The following DPYSL2 variants were observed in gnomAD, a reference collection of about 807,000 sequenced individuals.
The protein encoded by DPYSL2 is dihydropyrimidinase like 2, also known as dihydropyrimidinase-related protein 2.
Under a neutral mutation model 69.9 loss-of-function variants are expected in DPYSL2, and 13 were observed. The observed-to-expected ratio is 0.19, with a 90% CI of 0.12 to 0.30. DPYSL2 has a LOEUF of 0.30. Among genes scored for constraint, DPYSL2 ranks in the 10% least tolerant of loss-of-function variants. DPYSL2 has a pLI of 1.00. For synonymous variants in DPYSL2, 326 were observed against 359.1 expected (o/e 0.91, Z 1.04); for missense variants, 587 against 918.9 (o/e 0.64, Z 4.67).
chr8:26,528,965 G>A (rs1800438335), intron 1 of DPYSL2, among the ~76,000 whole-genome samples: 1 of 152,134 alleles, frequency 6.6e-6, no homozygotes, highest in Admixed American at 6.5e-5. Flanking sequence ...TTGGCCCTGA[G>A]TTTAAGAGCT....
chr8:26,521,414 T>C (rs1034024730), intron 1 of DPYSL2, among the ~76,000 whole-genome samples: 2 of 152,196 alleles, frequency 1.3e-5, no homozygotes, highest in African/African-American at 4.8e-5. Flanking sequence ...GAATCTCTAA[T>C]GCTCCTTCTA....
intron 1 of DPYSL2, among the ~76,000 whole-genome samples, chr8:26,536,714 G>A (rs1800598621): frequency 6.6e-6 from 1 of 152,074 alleles, no homozygotes; most frequent in Non-Finnish European, 1.5e-5. Flanking sequence ...TTATTAGGTG[G>A]GCATGACATG....
intron 8 of DPYSL2, among the ~76,000 whole-genome samples, chr8:26,635,839 C>T (rs1286306261): frequency 2.6e-5 from 4 of 152,194 alleles, no homozygotes; most frequent in African/African-American, 9.7e-5. Context: ...GTCATTCTCT[C>T]TCTGTGTCTT....
chr8:26,582,950 G>A lies in DPYSL2; in HGVS notation c.444-849G>A, dbSNP rs1801520799. On this transcript the variant is annotated intron_variant, in intron 2 of 13. Transcript: ENST00000521913. This position sits in a 1 kb window ranked among gnomAD's most constrained non-coding sequence, Gnocchi z 4.1. ...CACGTTTAATGTTTTCTCCATGTGT[G>A]TTTGCTGTGACAGTCTCAGCTCCAG... Among the ~76,000 whole-genome samples, 1 of 152,168 alleles carries A rather than the reference G, an allele frequency of 6.6e-6. No individual in the cohort carries two copies. Among genetic ancestry groups the A allele is most frequent in the Non-Finnish European group, 1.5e-5 (1 of 68,022 alleles).
At chr8:26,556,992 A>C (rs913718596) in intron 1 of DPYSL2, among the ~76,000 whole-genome samples, 6 of 152,182 alleles carry the variant, frequency 3.9e-5, no homozygotes, top group African/African-American at 1.4e-4. Context: ...CCTTTTCAAC[A>C]AATGATGCTG....
chr8:26,536,520 A>C (rs1358000040), intron 1 of DPYSL2, among the ~76,000 whole-genome samples: 3 of 152,066 alleles, frequency 2.0e-5, no homozygotes. Context: ...AAAATACAAA[A>C]ATTAGCCAGG....
At position 26,597,775 on chromosome 8, in the gene DPYSL2, CTTTTTTTTTTT is replaced by C. The variant is rs374599797; in HGVS notation, c.628+13802_628+13812del. 1.6e-5 allele frequency among the ~76,000 whole-genome samples: 2 copies of C among 127,158 alleles called. No homozygotes were observed. The highest frequency in any genetic ancestry group is 5.8e-5 in the African/African-American group (2 of 34,500). 83.4% of individuals were successfully genotyped at this position (127,158 alleles called of 152,430 possible). ...AGGCAAGAGCCACCGCACCTGGCCT[CTTTTTTTTTTT>C]TTTTTTTTTGAGGGGCAGAGACAAG... On this transcript the variant is annotated intron_variant, in intron 3 of 13. Coordinates refer to ENST00000521913, the MANE Select transcript of DPYSL2 (RefSeq NM_001197293.3). The surrounding 1 kb of genome is among the most constrained non-coding windows in gnomAD (Gnocchi z 5.2).
intron 1 of DPYSL2, among the ~76,000 whole-genome samples, chr8:26,549,482 A>G (rs959160421): frequency 6.6e-6 from 1 of 152,176 alleles, no homozygotes; most frequent in African/African-American, 2.4e-5. Context: ...GCAGAAAGAC[A>G]GAAAGGGACA....
intron 7 of DPYSL2, among the ~76,000 whole-genome samples, chr8:26,629,644 A>C (rs911655129): frequency 7.9e-4 from 120 of 152,376 alleles, no homozygotes; most frequent in African/African-American, 2.6e-3. Context: ...GGGAAGCCCC[A>C]TGCTGAGACC....
Position 26,624,618 on chromosome 8 carries a change from G to A in DPYSL2, c.793+311G>A, listed in dbSNP as rs1392538282. Among the ~76,000 whole-genome samples, 2 of 152,170 alleles carry A rather than the reference G, an allele frequency of 1.3e-5. No individual in the cohort carries two copies. Among genetic ancestry groups the A allele is most frequent in the Non-Finnish European group, 2.9e-5 (2 of 68,038 alleles). On this transcript the variant is annotated intron_variant, in intron 4 of 13. Transcript: ENST00000521913. The surrounding 1 kb of genome is among the most constrained non-coding windows in gnomAD (Gnocchi z 4.7). ...CCGTGCTCTCTAGCCAGGGTGGGGA[G>A]TTGAGGCTGCTGAGAGAGAGATTTA...
At chr8:26,561,082 G>C (rs568399367) in intron 1 of DPYSL2, among the ~76,000 whole-genome samples, 2 of 152,280 alleles carry the variant, frequency 1.3e-5, no homozygotes, top group South Asian at 4.2e-4. Flanking sequence ...GGAGGGGGGT[G>C]AGTATGAGAA....
rs1357127015 is a variant in DPYSL2, at chr8:26,617,837, G to C, written c.629-6306G>C. On this transcript the variant is annotated intron_variant, in intron 3 of 13. Transcript: ENST00000521913. The surrounding 1 kb of genome is among the most constrained non-coding windows in gnomAD (Gnocchi z 4.7). ...AGTAGATTGATGGTGGCCAGGGTTT[G>C]GGAGTAGCAGGGGTAGGAGGGAATG... 6.6e-6 allele frequency among the ~76,000 whole-genome samples: 1 copy of C among 152,208 alleles called. No homozygotes were observed. The highest frequency in any genetic ancestry group is 6.5e-5 in the Admixed American group (1 of 15,282).
chr8:26,566,982 C>A (rs925574414), intron 1 of DPYSL2, among the ~76,000 whole-genome samples: 2 of 151,802 alleles, frequency 1.3e-5, no homozygotes, highest in African/African-American at 4.8e-5. Flanking sequence ...CACCCGTCAT[C>A]TGTCTATCCA....
chr8:26,629,623 G>T (rs1220649036), intron 7 of DPYSL2, among the ~76,000 whole-genome samples: 1 of 152,258 alleles, frequency 6.6e-6, no homozygotes, highest in Admixed American at 6.5e-5. Context: ...GCAAGCCCCT[G>T]TGTCAGCTGA....
chr8:26,582,420 C>A lies in DPYSL2; in HGVS notation c.443+363C>A, dbSNP rs528471020. Among the ~76,000 whole-genome samples, 2 of 152,302 alleles carry A rather than the reference C, an allele frequency of 1.3e-5. No individual in the cohort carries two copies. The highest frequency in any genetic ancestry group is 3.4e-3 in the Middle Eastern group (1 of 294). On this transcript the variant is annotated intron_variant, in intron 2 of 13. Coordinates refer to ENST00000521913, the MANE Select transcript of DPYSL2 (RefSeq NM_001197293.3). This position sits in a 1 kb window ranked among gnomAD's most constrained non-coding sequence, Gnocchi z 4.1. ...GGTTGGATTGCCCAAAGGACGCAAA[C>A]GTGAAAGACAGTCTCCTCTATTGAG...
intron 3 of DPYSL2, among the ~76,000 whole-genome samples, chr8:26,602,935 G>A (rs999347313): frequency 6.6e-6 from 1 of 152,216 alleles, no homozygotes; most frequent in African/African-American, 2.4e-5. Context: ...TTGAAAGCCG[G>A]CTCAAATTTT....
At position 26,618,657 on chromosome 8, in the gene DPYSL2, T is replaced by C. The variant is rs528617865; in HGVS notation, c.629-5486T>C. On this transcript the variant is annotated intron_variant, in intron 3 of 13. Transcript: ENST00000521913. Reference sequence around the variant, plus strand: ...TTATAGATGAGTAAATGGAGGTTCCTGGCTGGGTGCGGTGGCTCATGCCTG... The same window carrying C: ...TTATAGATGAGTAAATGGAGGTTCCCGGCTGGGTGCGGTGGCTCATGCCTG... Among the ~76,000 whole-genome samples, 29 of 149,154 alleles carry C rather than the reference T, an allele frequency of 1.9e-4. 1 individual carries two copies. The South Asian group carries it at 5.4e-3, about 28-fold the overall frequency.
At chr8:26,599,881 A>C (rs1295975160) in intron 3 of DPYSL2, among the ~76,000 whole-genome samples, 3 of 152,090 alleles carry the variant, frequency 2.0e-5, no homozygotes, top group Non-Finnish European at 4.4e-5. Flanking sequence ...TTACCACCCC[A>C]AAAAGAAACC....
intron 1 of DPYSL2, among the ~76,000 whole-genome samples, chr8:26,535,841 G>C (rs1056320918): frequency 1.3e-5 from 2 of 151,614 alleles, no homozygotes; most frequent in African/African-American, 4.9e-5. Flanking sequence ...TCCTTGTAAA[G>C]TATTGTTACA....
Sources: allele counts gnomAD v4.1 joint callset (sites outside exome capture counted in the v4.1 genomes callset), GRCh38; gene constraint gnomAD v4.1.1; non-coding constraint Gnocchi (gnomAD v3.1); transcripts MANE v1.5; gene names NCBI Gene and HGNC (gene_info 2026-07-23, HGNC 2026-07-21).